The following ZNF782 variants were observed in gnomAD, a reference collection of about 807,000 sequenced individuals.
ZNF782 encodes zinc finger protein 782.
A neutral mutation model predicts 13.0 loss-of-function variants in ZNF782; 12 were observed. That is an observed-to-expected ratio of 0.92 (90% CI 0.59 to 1.50). The LOEUF (loss-of-function observed/expected upper bound fraction) is 1.50, where lower values mean the gene tolerates loss of function less well. Among genes scored for constraint, ZNF782 ranks in the 40% most tolerant of loss-of-function variants. The pLI is 0.00. For missense variants in ZNF782, 770 were observed against 822.9 expected, an observed-to-expected ratio of 0.94 and a Z score of 0.79; for synonymous variants, 284 against 283.0, an observed-to-expected ratio of 1.00 and a Z score of -0.04.
At chr9:96,833,063 C>T (rs942951640) in intron 4 of ZNF782, among the ~76,000 whole-genome samples, 3 of 151,902 alleles carry the variant, frequency 2.0e-5, no homozygotes, top group Admixed American at 1.3e-4. Context: ...TTCTTCTCTC[C>T]GTCTTCTCTC....
the ZNF782 span, among the ~76,000 whole-genome samples, chr9:96,931,074 G>A: frequency 6.6e-6 from 1 of 151,756 alleles, no homozygotes; most frequent in Non-Finnish European, 1.5e-5. Context: ...TTTTAGTAGA[G>A]ATGGGGTTTC....
upstream of ZNF782, among the ~76,000 whole-genome samples, chr9:96,879,641 G>C (rs1372040296): frequency 6.6e-6 from 1 of 152,240 alleles, no homozygotes; most frequent in Non-Finnish European, 1.5e-5. Flanking sequence ...GTTGATGTGA[G>C]GGGAAGGAAA....
At chr9:96,906,091 T>C in the ZNF782 span, among the ~76,000 whole-genome samples, 52 of 152,292 alleles carry the variant, frequency 3.4e-4, no homozygotes, top group Non-Finnish European at 4.4e-4. Flanking sequence ...GTAAACAGTA[T>C]GGTGGCGCCT....
At chr9:96,839,640 C>T (rs1203146439) in intron 4 of ZNF782, among the ~76,000 whole-genome samples, 1 of 152,006 alleles carries the variant, frequency 6.6e-6, no homozygotes, top group Non-Finnish European at 1.5e-5. Flanking sequence ...GTCTCACTTC[C>T]ATTCCTGCTC....
At chr9:96,888,270 G>C in the ZNF782 span, 1 of 151,654 alleles carries the variant, frequency 6.6e-6, no homozygotes, top group Non-Finnish European at 1.5e-5. Flanking sequence ...TAATACAGTA[G>C]ACCTCAGAGC....
rs1429820539 is a variant in ZNF782 at position 96,819,479 on chromosome 9, T to C, written c.544A>G (p.Thr182Ala). 1.2e-6 allele frequency: 2 copies of C among 1,613,922 alleles called. No individual in the cohort carries two copies. The highest frequency in any genetic ancestry group is 1.1e-5 in the South Asian group (1 of 90,976). ...CTATAAGCGAAAGATTTCTCTTGAGTGTTAGTTCTGCCATCCTTAATACTG... is the reference window on the plus strand; with the variant it reads ...CTATAAGCGAAAGATTTCTCTTGAGCGTTAGTTCTGCCATCCTTAATACTG... ...LISIKDGRTN[T>A]QEKSFAYSKI... Residue 182 changes from threonine (T) to alanine (A), a missense_variant, in exon 6 of 6, where the codon ACT becomes GCT. Physicochemically the swap from Thr to Ala is moderately conservative, Grantham distance 58. Coordinates refer to ENST00000481138, the MANE Select transcript of ZNF782 (RefSeq NM_001001662.3).
the ZNF782 span, chr9:96,893,253 GA>G: frequency 1.3e-5 from 2 of 152,064 alleles, no homozygotes; most frequent in Middle Eastern, 3.2e-3. Flanking sequence ...GGGCAGAAAA[GA>G]ATTAGAACAC....
Position 96,816,682 on chromosome 9 carries a change from T to G in ZNF782, c.*1241A>C, listed in dbSNP as rs1850181526. 1.3e-5 allele frequency: 2 copies of G among 152,214 alleles called. No individual in the cohort carries two copies. Among genetic ancestry groups the G allele is most frequent in the Admixed American group, 6.5e-5 (1 of 15,276 alleles). 9.4% of individuals were successfully genotyped at this position (152,214 alleles called of 1,614,324 possible). On this transcript the variant is annotated 3_prime_UTR_variant, in exon 6 of 6. Coordinates refer to ENST00000481138, the MANE Select transcript of ZNF782 (RefSeq NM_001001662.3). ...TAAAATATGATAATTTGTTGAAAACTTTTACACATTCAAAACTAAATTATC... is the reference window on the plus strand; with the variant it reads ...TAAAATATGATAATTTGTTGAAAACGTTTACACATTCAAAACTAAATTATC...
intron 1 of ZNF782, among the ~76,000 whole-genome samples, chr9:96,863,350 TA>T (rs60984657): frequency 0.12 from 16,998 of 139,774 alleles, 2,336 homozygotes; most frequent in African/African-American, 0.33. Context: ...AATTTAAAAA[TA>T]AAAAAAAAAA....
chr9:96,933,373 T>G, the ZNF782 span: 2 of 151,414 alleles, frequency 1.3e-5, no homozygotes, highest in Admixed American at 1.3e-4. Context: ...TTTAGGTCTT[T>G]TTTGTTTGTT....
At chr9:96,881,322 CCT>C in the ZNF782 span, among the ~76,000 whole-genome samples, 1 of 151,794 alleles carries the variant, frequency 6.6e-6, no homozygotes, top group Non-Finnish European at 1.5e-5. Context: ...ATTTTGCTTC[CCT>C]TTTTCTGTCT....
At position 96,823,980 on chromosome 9, in the gene ZNF782, G is replaced by A. The variant is rs151143440; in HGVS notation, c.244+3100C>T. Among the ~76,000 whole-genome samples the A allele has an allele frequency of 7.1e-3, 1,075 of 152,274 alleles. 16 individuals are homozygous for A. Among genetic ancestry groups the A allele is most frequent in the African/African-American group, 0.024 (1,004 of 41,542 alleles). On this transcript the variant is annotated intron_variant, in intron 5 of 5. Transcript: ENST00000481138. ...AGCCGAATTCTACCAGAGATACAAG[G>A]AGGAACTGGTACCATTCCTTCTGAA...
intron 4 of ZNF782, among the ~76,000 whole-genome samples, chr9:96,827,443 C>T (rs188810297): frequency 1.6e-4 from 25 of 152,218 alleles, no homozygotes; most frequent in Non-Finnish European, 3.1e-4. Flanking sequence ...AATCCTTCTG[C>T]CTCAGCCTCC....
intron 3 of ZNF782, among the ~76,000 whole-genome samples, chr9:96,846,322 A>C (rs548840674): frequency 1.2e-4 from 19 of 152,334 alleles, no homozygotes; most frequent in Admixed American, 2.6e-4. Context: ...TGATGAAGAG[A>C]ACAGTATCTC....
intron 3 of ZNF782, among the ~76,000 whole-genome samples, chr9:96,848,175 A>G (rs1851390191): frequency 6.6e-6 from 1 of 152,166 alleles, no homozygotes; most frequent in Non-Finnish European, 1.5e-5. Context: ...CAAAATAATA[A>G]AAGCCATATG....
At chr9:96,903,403 C>G in the ZNF782 span, among the ~76,000 whole-genome samples, 9 of 151,826 alleles carry the variant, frequency 5.9e-5, 1 homozygote, top group East Asian at 1.4e-3. Flanking sequence ...CTTCCATTCA[C>G]TGTATGGATG....
chr9:96,836,971 G>A (rs1851023262), intron 4 of ZNF782, among the ~76,000 whole-genome samples: 1 of 152,114 alleles, frequency 6.6e-6, no homozygotes, highest in Non-Finnish European at 1.5e-5. Flanking sequence ...AGATGCAGCT[G>A]CCCAATCCTG....
chr9:96,920,584 A>T, the ZNF782 span, among the ~76,000 whole-genome samples: 1 of 150,572 alleles, frequency 6.6e-6, no homozygotes, highest in Non-Finnish European at 1.5e-5. Flanking sequence ...TTTTTAAAAA[A>T]ATAAAACATC....
chr9:96,836,899 T>C (rs1564004220), intron 4 of ZNF782, among the ~76,000 whole-genome samples: 2 of 152,154 alleles, frequency 1.3e-5, no homozygotes. Context: ...TGTGATCTCT[T>C]TGCACATGGC....
Sources: gnomAD v4.1 joint callset for allele counts (sites outside exome capture counted in the v4.1 genomes callset) on GRCh38, gnomAD v4.1.1 for gene constraint, MANE v1.5 for transcripts, NCBI Gene and HGNC (gene_info 2026-07-23, HGNC 2026-07-21) for gene names.